CCDC171: variants seen among roughly 807,000 people sequenced by gnomAD.
CCDC171 encodes coiled-coil domain-containing protein 171.
Under a neutral mutation model 168.2 loss-of-function variants are expected in CCDC171, and 177 were observed. The observed-to-expected ratio is 1.05, with a 90% CI of 0.93 to 1.19. The LOEUF (loss-of-function observed/expected upper bound fraction) is 1.19. CCDC171 is among the 50% of genes most tolerant of loss of function. The pLI, the probability that CCDC171 is intolerant of heterozygous loss-of-function variation, is 0.00. For missense variants in CCDC171, 1,991 were observed against 1,539.0 expected, an observed-to-expected ratio of 1.29 and a Z score of -4.91; for synonymous variants, 687 against 540.8, an observed-to-expected ratio of 1.27 and a Z score of -3.75.
chr9:15,844,034 C>G (rs986287016), intron 21 of CCDC171, among the ~76,000 whole-genome samples: 6 of 152,100 alleles, frequency 3.9e-5, no homozygotes, highest in African/African-American at 1.4e-4. Flanking sequence ...AGTTATTAAA[C>G]TTGATTTATC....
the CCDC171 span, among the ~76,000 whole-genome samples, chr9:16,095,451 A>G: frequency 2.0e-5 from 3 of 151,838 alleles, no homozygotes; most frequent in Admixed American, 6.6e-5. Context: ...TCTGAAATCC[A>G]CACTTTCTTT....
At chr9:15,814,320 C>T (rs1008650249) in intron 21 of CCDC171, among the ~76,000 whole-genome samples, 1 of 152,112 alleles carries the variant, frequency 6.6e-6, no homozygotes, top group Non-Finnish European at 1.5e-5. Flanking sequence ...GTGTATATTT[C>T]ATGTTTGTTT....
intron 7 of CCDC171, 71 bp downstream of exon 7, chr9:15,623,484 C>CACACACACACAT (rs1401440308): frequency 6.0e-5 from 37 of 613,088 alleles, no homozygotes; most frequent in South Asian, 1.4e-4. Flanking sequence ...CGCACACACA[C>CACACACACACAT]ACACACACAC....
chr9:15,656,321 CA>C (rs1163329115), intron 7 of CCDC171, among the ~76,000 whole-genome samples: 137 of 89,790 alleles, frequency 1.5e-3, no homozygotes, highest in Admixed American at 1.5e-3. Flanking sequence ...GACTCCGTCT[CA>C]AAAAAAAAAA....
intron 24 of CCDC171, among the ~76,000 whole-genome samples, chr9:15,892,032 A>G (rs1185468590): frequency 1.3e-5 from 2 of 152,186 alleles, no homozygotes; most frequent in African/African-American, 2.4e-5. Context: ...TGGCTTTTAA[A>G]AGGAAATAAT....
In CCDC171 at chr9:15,638,071, A is replaced by G. The variant is rs537526525; in HGVS notation, c.822+14658A>G. Among the ~76,000 whole-genome samples, 3 of 152,084 alleles carry G rather than the reference A, an allele frequency of 2.0e-5. No homozygotes were observed. The South Asian group carries it at 6.2e-4, about 32-fold the overall frequency. On this transcript the variant is annotated intron_variant, in intron 7 of 25. Transcript: ENST00000380701. ...CTGACTTCCACAATATTTTTACTTT[A>G]TGTTTTTTTCTTTACTGCTGTGTAA...
At chr9:15,638,472 A>G (rs979470628) in intron 7 of CCDC171, among the ~76,000 whole-genome samples, 1 of 152,066 alleles carries the variant, frequency 6.6e-6, no homozygotes, top group Non-Finnish European at 1.5e-5. Flanking sequence ...GTAAGATGGG[A>G]TAATAATAAA....
At position 15,922,669 on chromosome 9, in the gene CCDC171, A is replaced by G. The variant is rs140891557; in HGVS notation, c.3753+2247A>G. Among the ~76,000 whole-genome samples the G allele has an allele frequency of 1.7e-3, 259 of 151,718 alleles. 2 individuals are homozygous for G. Among genetic ancestry groups the G allele is most frequent in the African/African-American group, 5.8e-3 (241 of 41,498 alleles). ...TCATACTGTTTTCCATGACTGTACT[A>G]ATTTACATTCCTACAACCAGCGTGT... On this transcript the variant is annotated intron_variant, in intron 25 of 25. Coordinates refer to ENST00000380701, the MANE Select transcript of CCDC171 (RefSeq NM_173550.4).
At chr9:15,981,437 A>C (rs1488195757) in intron 3 of CCDC171, among the ~76,000 whole-genome samples, 1 of 152,186 alleles carries the variant, frequency 6.6e-6, no homozygotes, top group African/African-American at 2.4e-5. Flanking sequence ...ATAAATGTTC[A>C]TTGCTTAAGC....
intron 2 of CCDC171, among the ~76,000 whole-genome samples, chr9:15,568,046 G>A (rs908113226): frequency 1.4e-5 from 2 of 148,100 alleles, no homozygotes; most frequent in African/African-American, 5.1e-5. Flanking sequence ...TCATTACTAG[G>A]ATATAGAAGT....
chr9:16,088,767 G>A, the CCDC171 span, among the ~76,000 whole-genome samples: 2 of 152,142 alleles, frequency 1.3e-5, no homozygotes, highest in Non-Finnish European at 2.9e-5. Context: ...AATCAATATT[G>A]TAAAAATGCC....
chr9:15,755,451 A>G (rs1026485808), intron 18 of CCDC171, among the ~76,000 whole-genome samples: 2 of 152,180 alleles, frequency 1.3e-5, no homozygotes, highest in Admixed American at 6.5e-5. Flanking sequence ...GAGAAAGGAA[A>G]ACATACATTC....
At chr9:15,950,221 C>A (rs1046771010) in intron 25 of CCDC171, among the ~76,000 whole-genome samples, 1 of 146,482 alleles carries the variant, frequency 6.8e-6, no homozygotes. Flanking sequence ...TCCAGGAGAA[C>A]TTCCCCAATC....
chr9:15,947,796 T>C (rs1293576434), intron 25 of CCDC171, among the ~76,000 whole-genome samples: 1 of 151,820 alleles, frequency 6.6e-6, no homozygotes, highest in Non-Finnish European at 1.5e-5. Context: ...CATACAAGTA[T>C]GCTTCCATAT....
At chr9:15,801,304 A>C (rs1181240117) in intron 21 of CCDC171, among the ~76,000 whole-genome samples, 3 of 151,886 alleles carry the variant, frequency 2.0e-5, no homozygotes, top group Non-Finnish European at 4.4e-5. Flanking sequence ...ATTGTTTTAT[A>C]GTTTTCATTG....
chr9:15,963,304 A>G (rs1301875152), intron 25 of CCDC171, among the ~76,000 whole-genome samples: 3 of 152,176 alleles, frequency 2.0e-5, no homozygotes, highest in African/African-American at 7.2e-5. Flanking sequence ...CACGTTGTGC[A>G]TGTGTACCCT....
chr9:15,947,610 T>C (rs1589215002), intron 25 of CCDC171, among the ~76,000 whole-genome samples: 1 of 152,000 alleles, frequency 6.6e-6, no homozygotes, highest in Non-Finnish European at 1.5e-5. Context: ...CAGTCATCCA[T>C]TGATGGACAT....
chr9:15,627,531 T>C (rs910965487), intron 7 of CCDC171, among the ~76,000 whole-genome samples: 1 of 152,210 alleles, frequency 6.6e-6, no homozygotes, highest in Non-Finnish European at 1.5e-5. Context: ...TTGTTCTCAT[T>C]GGTTTCAAAG....
chr9:15,605,948 A>C (rs1281283897), intron 6 of CCDC171, among the ~76,000 whole-genome samples: 1 of 152,180 alleles, frequency 6.6e-6, no homozygotes, highest in East Asian at 1.9e-4. Context: ...CCTGTGGGGC[A>C]TATGTTACAT....
Sources: gnomAD v4.1 joint callset for allele counts (sites outside exome capture counted in the v4.1 genomes callset) on GRCh38, gnomAD v4.1.1 for gene constraint, MANE v1.5 for transcripts, NCBI Gene and HGNC (gene_info 2026-07-23, HGNC 2026-07-21) for gene names.